The following AP3S2 variants were observed in gnomAD, a reference collection of about 807,000 sequenced individuals.
AP3S2 encodes adaptor related protein complex 3 subunit sigma 2.
A neutral mutation model predicts 23.4 loss-of-function variants in AP3S2; 22 were observed. The ratio of observed to expected loss-of-function variants is 0.94; its 90% CI spans 0.67 to 1.34. The LOEUF is 1.34. AP3S2 is among the 40% of genes most tolerant of loss of function. The probability of loss-of-function intolerance (pLI) is 0.00; values close to 1 mark genes in which losing one functional copy is unlikely to be tolerated. For missense variants in AP3S2, 241 were observed against 236.9 expected, an observed-to-expected ratio of 1.02 and a Z score of -0.11; for synonymous variants, 86 against 87.1, an observed-to-expected ratio of 0.99 and a Z score of 0.07.
At chr15:89,842,237 A>G (rs1296442856) in intron 4 of AP3S2, among the ~76,000 whole-genome samples, 4 of 152,240 alleles carry the variant, frequency 2.6e-5, no homozygotes, top group Admixed American at 2.0e-4. Flanking sequence ...TAAAAGAAAT[A>G]GAGAAGAAAC....
At chr15:89,847,561 G>C (rs1895528073) in intron 4 of AP3S2, among the ~76,000 whole-genome samples, 1 of 152,118 alleles carries the variant, frequency 6.6e-6, no homozygotes, top group East Asian at 1.9e-4. Context: ...GAAGGACAGA[G>C]GATTCCATGC....
intron 2 of AP3S2, among the ~76,000 whole-genome samples, 174 bp downstream of exon 2, chr15:89,888,875 C>A (rs2141903052): frequency 6.6e-6 from 1 of 152,276 alleles, no homozygotes; most frequent in South Asian, 2.1e-4. Context: ...ATCAGAAGCA[C>A]AATAATTGAA....
intron 3 of AP3S2, chr15:89,883,819 A>C (rs556702503): frequency 6.6e-6 from 1 of 152,352 alleles, no homozygotes; most frequent in Admixed American, 6.5e-5. Flanking sequence ...GGAAAGGGGA[A>C]GAAGGATATT....
At chr15:89,841,044 A>G (rs778157717) in intron 4 of AP3S2, among the ~76,000 whole-genome samples, 2 of 152,206 alleles carry the variant, frequency 1.3e-5, no homozygotes, top group Non-Finnish European at 2.9e-5. Context: ...GGCTTTCCAT[A>G]TATCTAAGTA....
At position 89,871,649 on chromosome 15, in the gene AP3S2, AC is replaced by A. The variant is rs149250742; in HGVS notation, c.274-104del. 1.6e-3 allele frequency: 1,844 copies of A among 1,187,124 alleles called. 8 individuals carry two copies. The highest frequency in any genetic ancestry group is 9.7e-3 in the African/African-American group (623 of 64,144). The allele number at this position is 1,187,124 out of a possible 1,614,324, so 73.5% of individuals were successfully genotyped here. A position where few individuals can be genotyped will look rare whatever the true frequency, so the allele number is the denominator to read the frequency against. ...AAAAGGGGCTGTCACAATACTATTT[AC>A]TTTATGATAAATCTCAAAAATTAAA... On this transcript the variant is annotated intron_variant, in intron 3 of 5. Coordinates refer to ENST00000336418, the MANE Select transcript of AP3S2 (RefSeq NM_005829.5).
At chr15:89,849,585 T>A (rs1895588348) in intron 4 of AP3S2, among the ~76,000 whole-genome samples, 1 of 152,050 alleles carries the variant, frequency 6.6e-6, no homozygotes, top group Admixed American at 6.6e-5. Context: ...GCCAGGATGG[T>A]CTCGATCTCC....
Position 89,888,517 on chromosome 15 carries a change from A to C in AP3S2, c.273+4T>G, listed in dbSNP as rs1896749146. 1.2e-6 allele frequency: 2 copies of C among 1,614,020 alleles called. No homozygotes were observed. Among genetic ancestry groups the C allele is most frequent in the Non-Finnish European group, 1.7e-6 (2 of 1,179,888 alleles). On this transcript the variant is annotated splice_donor_region_variant and intron_variant, in intron 3 of 5. Transcript: ENST00000336418. ...TGCTGCCATCATTAGCTGACTACAC[A>C]TACCTGGATGAGGTCCAAGATTCCA...
intron 4 of AP3S2, among the ~76,000 whole-genome samples, chr15:89,854,504 C>T (rs1352715494): frequency 1.3e-4 from 10 of 75,622 alleles, no homozygotes; most frequent in Admixed American, 2.2e-4. Flanking sequence ...CCAGCCGCCC[C>T]GTCCGGGAGG....
chr15:89,837,833 A>G, intron 4 of AP3S2, 111 bp from the exon 5 acceptor site: 2 of 1,272,466 alleles, frequency 1.6e-6, no homozygotes, highest in Non-Finnish European at 2.2e-6. Flanking sequence ...ACCTGTCCTG[A>G]CTCACAACTC....
chr15:89,877,042 G>T, intron 3 of AP3S2: 1 of 266,596 alleles, frequency 3.8e-6, no homozygotes, highest in Non-Finnish European at 7.5e-6. Flanking sequence ...CAAACTCCCC[G>T]TCTGCTGAAC....
At chr15:89,849,876 G>A (rs1895602037) in intron 4 of AP3S2, among the ~76,000 whole-genome samples, 1 of 151,518 alleles carries the variant, frequency 6.6e-6, no homozygotes, top group African/African-American at 2.4e-5. Context: ...CCCTCCCTGT[G>A]CCCATGTGTT....
intron 4 of AP3S2, among the ~76,000 whole-genome samples, chr15:89,870,048 A>C (rs1194425739): frequency 6.6e-6 from 1 of 152,102 alleles, no homozygotes; most frequent in Non-Finnish European, 1.5e-5. Flanking sequence ...GCCTGTATTT[A>C]ACAATATTAT....
At chr15:89,844,911 T>C (rs571260075) in intron 4 of AP3S2, among the ~76,000 whole-genome samples, 7 of 152,268 alleles carry the variant, frequency 4.6e-5, no homozygotes, top group Admixed American at 2.0e-4. Context: ...GTAATTTTCT[T>C]TTCTTTTTTT....
At chr15:89,892,072 G>A (rs2141907122) in intron 1 of AP3S2, among the ~76,000 whole-genome samples, 1 of 152,300 alleles carries the variant, frequency 6.6e-6, no homozygotes, top group South Asian at 2.1e-4. Context: ...TCAGATACAT[G>A]CTACAACATG....
chr15:89,871,077 C>A (rs1896307522), intron 4 of AP3S2, among the ~76,000 whole-genome samples: 1 of 152,178 alleles, frequency 6.6e-6, no homozygotes, highest in Non-Finnish European at 1.5e-5. Context: ...ATTTTACTAT[C>A]TAAGTCAAAG....
At chr15:89,891,036 G>C (rs1896809335) in intron 1 of AP3S2, among the ~76,000 whole-genome samples, 1 of 152,166 alleles carries the variant, frequency 6.6e-6, no homozygotes, top group Non-Finnish European at 1.5e-5. Context: ...AACATGCTAA[G>C]CATCAGCACT....
chr15:89,893,624 A>C, intron 1 of AP3S2: 4 of 494,954 alleles, frequency 8.1e-6, no homozygotes, highest in Admixed American at 3.8e-5. Flanking sequence ...CCAGAGACCC[A>C]CGGGAAAATG....
chr15:89,845,562 G>C (rs1208045028), intron 4 of AP3S2: 1 of 152,262 alleles, frequency 6.6e-6, no homozygotes, highest in East Asian at 1.9e-4. Flanking sequence ...ACTGGAGATA[G>C]AGTCAGGGCA....
At position 89,832,086 on chromosome 15, in the gene AP3S2, C is replaced by T. The variant is rs1895089352; in HGVS notation, c.*3429G>A. 6.6e-6 allele frequency: 1 copy of T among 152,122 alleles called. No homozygotes were observed. Among genetic ancestry groups the T allele is most frequent in the Admixed American group, 6.5e-5 (1 of 15,270 alleles). 9.4% of individuals were successfully genotyped at this position (152,122 alleles called of 1,614,324 possible). Reference sequence around the variant, plus strand: ...GCCTAGAACTGAGCTTGGCCCTCACCAGGCACTTAGAAATTGCATAATGAA... The same window carrying T: ...GCCTAGAACTGAGCTTGGCCCTCACTAGGCACTTAGAAATTGCATAATGAA... On this transcript the variant is annotated 3_prime_UTR_variant, in exon 6 of 6. Coordinates refer to ENST00000336418, the MANE Select transcript of AP3S2 (RefSeq NM_005829.5).
Sources: allele counts gnomAD v4.1 joint callset (sites outside exome capture counted in the v4.1 genomes callset), GRCh38; gene constraint gnomAD v4.1.1; transcripts MANE v1.5; gene names NCBI Gene and HGNC (gene_info 2026-07-23, HGNC 2026-07-21).